SH2D4A: variants seen among roughly 807,000 people sequenced by gnomAD.
The protein encoded by SH2D4A is SH2 domain containing 4A, also known as SH2 domain-containing protein 4A.
Under a neutral mutation model 64.7 loss-of-function variants are expected in SH2D4A, and 70 were observed. That is an observed-to-expected ratio of 1.08 (90% CI 0.89 to 1.32). The LOEUF is 1.32. Ranked by LOEUF, SH2D4A falls within the 40% of genes most tolerant of loss-of-function variation. The pLI is 0.00. For missense variants in SH2D4A, 706 were observed against 540.1 expected, an observed-to-expected ratio of 1.31 and a Z score of -3.04; for synonymous variants, 268 against 200.7, an observed-to-expected ratio of 1.34 and a Z score of -2.83.
Position 19,394,488 on chromosome 8 carries a change from G to A in SH2D4A, c.1273-62G>A, listed in dbSNP as rs2053553096. On this transcript the variant is annotated intron_variant, in intron 9 of 9. Coordinates refer to ENST00000265807, the MANE Select transcript of SH2D4A (RefSeq NM_022071.4). ...TAGGCAGCTAGTGATGTCCTCTGAG[G>A]AAGTAGGAAGAGCATGTGGTCACTA... The A allele has an allele frequency of 7.8e-6, 9 of 1,157,168 alleles. No individual in the cohort carries two copies. In the Admixed American group the frequency reaches 1.8e-4, roughly 23 times the overall value. 71.7% of individuals were successfully genotyped at this position (1,157,168 alleles called of 1,614,324 possible).
chr8:19,372,267 C>A (rs984318751), intron 7 of SH2D4A, among the ~76,000 whole-genome samples: 1 of 152,170 alleles, frequency 6.6e-6, no homozygotes, highest in Non-Finnish European at 1.5e-5. Context: ...AGAGGGCGCT[C>A]CAAGTCCAGG....
chr8:19,376,285 C>T (rs889487089), intron 8 of SH2D4A, among the ~76,000 whole-genome samples: 1 of 152,268 alleles, frequency 6.6e-6, no homozygotes, highest in African/African-American at 2.4e-5. Context: ...AGCCCACACA[C>T]ATTATGGAGG....
intron 8 of SH2D4A, 152 bp downstream of exon 8, chr8:19,373,812 C>T: frequency 1.9e-6 from 2 of 1,053,848 alleles, no homozygotes; most frequent in Non-Finnish European, 2.6e-6. Flanking sequence ...TCAAAGACGC[C>T]TCAGTAAGCT....
At chr8:19,375,958 C>T (rs2053188898) in intron 8 of SH2D4A, among the ~76,000 whole-genome samples, 1 of 152,126 alleles carries the variant, frequency 6.6e-6, no homozygotes, top group South Asian at 2.1e-4. Flanking sequence ...TGCTCCAGTC[C>T]CATCTCAAGC....
At chr8:19,336,401 C>T (rs2052446550) in intron 4 of SH2D4A, among the ~76,000 whole-genome samples, 3 of 152,100 alleles carry the variant, frequency 2.0e-5, no homozygotes, top group Non-Finnish European at 4.4e-5. Flanking sequence ...AAGGTCAGCC[C>T]TGGACATGCT....
rs56334713 is a variant in SH2D4A at position 19,353,992 on chromosome 8, A to AT, written c.514-3192dup. 3.2e-3 allele frequency among the ~76,000 whole-genome samples: 424 copies of AT among 133,618 alleles called. 4 individuals are homozygous for AT. Among genetic ancestry groups the AT allele is most frequent in the Admixed American group, 5.9e-3 (78 of 13,164 alleles). The allele number at this position is 133,618 out of a possible 152,430, so 87.7% of individuals were successfully genotyped here. The stretch of plus-strand genomic sequence containing the variant: ...CATCTCTCGAGTGGTTTTTCAACTA[A>AT]TTTTTTTTTTTTTTTTTTTGACACG... On this transcript the variant is annotated intron_variant, in intron 4 of 9. Coordinates refer to ENST00000265807, the MANE Select transcript of SH2D4A (RefSeq NM_022071.4).
At chr8:19,392,163 AGT>A (rs765157093) in intron 8 of SH2D4A, among the ~76,000 whole-genome samples, 9 of 152,326 alleles carry the variant, frequency 5.9e-5, no homozygotes, top group Non-Finnish European at 7.4e-5. Flanking sequence ...CTGGAGTAAG[AGT>A]GTGAATTCCT....
intron 2 of SH2D4A, among the ~76,000 whole-genome samples, chr8:19,325,487 C>G (rs1044132901): frequency 6.6e-6 from 1 of 152,162 alleles, no homozygotes; most frequent in African/African-American, 2.4e-5. Flanking sequence ...GGCCCTGAGC[C>G]CCACTTTTCT....
At chr8:19,352,379 A>G (rs1214687486) in intron 4 of SH2D4A, among the ~76,000 whole-genome samples, 1 of 152,250 alleles carries the variant, frequency 6.6e-6, no homozygotes, top group Non-Finnish European at 1.5e-5. Flanking sequence ...TTCACTGATT[A>G]CAGAGGGTTA....
At chr8:19,385,002 C>T (rs762244253) in intron 8 of SH2D4A, among the ~76,000 whole-genome samples, 9 of 152,144 alleles carry the variant, frequency 5.9e-5, no homozygotes, top group African/African-American at 1.9e-4. Flanking sequence ...TTAATGAACA[C>T]TCTTACTCAA....
At chr8:19,320,883 T>C (rs970578501) in intron 2 of SH2D4A, among the ~76,000 whole-genome samples, 1 of 152,208 alleles carries the variant, frequency 6.6e-6, no homozygotes, top group Admixed American at 6.5e-5. Flanking sequence ...AAATCACATA[T>C]GGTTTCAAAG....
intron 1 of SH2D4A, chr8:19,314,041 TC>T: frequency 8.9e-7 from 1 of 1,120,816 alleles, no homozygotes; most frequent in Non-Finnish European, 1.1e-6. Context: ...GTGTCCGGTG[TC>T]CGGTGTCCGG....
At chr8:19,379,192 G>A (rs369961836) in intron 8 of SH2D4A, among the ~76,000 whole-genome samples, 27 of 152,016 alleles carry the variant, frequency 1.8e-4, no homozygotes, top group East Asian at 1.4e-3. Flanking sequence ...CCAACCCCCA[G>A]CCCCTGGCAA....
intron 4 of SH2D4A, among the ~76,000 whole-genome samples, chr8:19,340,601 C>CTT (rs535915285): frequency 1.1e-3 from 108 of 100,470 alleles, no homozygotes; most frequent in East Asian, 4.5e-3. Context: ...TTCTTTCTTT[C>CTT]TTTTTTTTTT....
intron 7 of SH2D4A, among the ~76,000 whole-genome samples, chr8:19,366,332 G>C (rs1008330386): frequency 6.6e-6 from 1 of 152,158 alleles, no homozygotes; most frequent in Admixed American, 6.5e-5. Context: ...TCTTTTGGCT[G>C]TTTTGAAGTA....
intron 2 of SH2D4A, among the ~76,000 whole-genome samples, chr8:19,326,255 T>C (rs1364310666): frequency 1.3e-5 from 2 of 152,190 alleles, no homozygotes; most frequent in African/African-American, 2.4e-5. Flanking sequence ...TAGTGACAGA[T>C]AGGGCATGGG....
rs1396684010 is a variant in SH2D4A, at chr8:19,394,448, T to C, written c.1273-102T>C. 7 of 723,920 alleles carry C rather than the reference T, an allele frequency of 9.7e-6. No homozygotes were observed. In the African/African-American group the frequency reaches 1.1e-4, roughly 11 times the overall value. 44.8% of individuals were successfully genotyped at this position (723,920 alleles called of 1,614,324 possible). ...AGATGATCATAAACCACAAAAGCTTTGTGTAAATCATGGGTAGGCAGCTAG... is the reference window on the plus strand; with the variant it reads ...AGATGATCATAAACCACAAAAGCTTCGTGTAAATCATGGGTAGGCAGCTAG... On this transcript the variant is annotated intron_variant, in intron 9 of 9. Coordinates refer to ENST00000265807, the MANE Select transcript of SH2D4A (RefSeq NM_022071.4).
intron 6 of SH2D4A, among the ~76,000 whole-genome samples, chr8:19,363,187 C>T (rs186010689): frequency 1.0e-3 from 157 of 152,078 alleles, no homozygotes; most frequent in Middle Eastern, 0.01. Flanking sequence ...GGGATTCTCC[C>T]GCCTCAGCCT....
At chr8:19,315,928 C>T (rs777128489) in intron 1 of SH2D4A, among the ~76,000 whole-genome samples, 10 of 152,168 alleles carry the variant, frequency 6.6e-5, no homozygotes, top group East Asian at 1.9e-4. Context: ...AACCAGTCCT[C>T]GTTTCACAGA....
Sources: allele counts gnomAD v4.1 joint callset (sites outside exome capture counted in the v4.1 genomes callset), GRCh38; gene constraint gnomAD v4.1.1; transcripts MANE v1.5; gene names NCBI Gene and HGNC (gene_info 2026-07-23, HGNC 2026-07-21).